ATF7IP: variants seen among roughly 807,000 people sequenced by gnomAD.
ATF7IP encodes activating transcription factor 7 interacting protein.
Under a neutral mutation model 106.4 loss-of-function variants are expected in ATF7IP, and 23 were observed. That is an observed-to-expected ratio of 0.22 (90% confidence interval 0.16 to 0.31). The LOEUF (loss-of-function observed/expected upper bound fraction) is 0.31. Ranked by LOEUF, ATF7IP falls within the 10% of genes least tolerant of loss-of-function variation. The pLI is 1.00. For missense variants in ATF7IP, 1,334 were observed against 1,524.3 expected (o/e 0.88, Z 2.08); for synonymous variants, 542 against 539.0 (o/e 1.01, Z -0.08).
intron 2 of ATF7IP, among the ~76,000 whole-genome samples, chr12:14,430,932 A>G (rs1336740913): frequency 6.6e-6 from 1 of 152,232 alleles, no homozygotes; most frequent in Non-Finnish European, 1.5e-5. Context: ...CATGTGGCCC[A>G]CAAGATTGAA....
At chr12:14,473,248 T>C (rs554590923) in intron 10 of ATF7IP, among the ~76,000 whole-genome samples, 70 of 151,738 alleles carry the variant, frequency 4.6e-4, no homozygotes, top group African/African-American at 1.6e-3. Flanking sequence ...GCATTCTGTC[T>C]TAATTCCTCT....
At chr12:14,487,375 T>C (rs1485775108) in intron 13 of ATF7IP, among the ~76,000 whole-genome samples, 2 of 152,126 alleles carry the variant, frequency 1.3e-5, no homozygotes, top group Admixed American at 6.5e-5. Context: ...ACCAGTACTT[T>C]AGTGTAGTTA....
rs548686855 is a variant in ATF7IP, at chr12:14,480,998, A to G, written c.3098-5A>G. 6.2e-7 allele frequency: 1 copy of G among 1,613,234 alleles called. No individual in the cohort carries two copies. The highest frequency in any genetic ancestry group is 8.5e-7 in the Non-Finnish European group (1 of 1,179,616). On this transcript the variant is annotated splice_region_variant and splice_polypyrimidine_tract_variant and intron_variant, in intron 12 of 14. Coordinates refer to ENST00000261168, the MANE Select transcript of ATF7IP (RefSeq NM_018179.5). ...TTCTTAATATCTTTTTCTGCCTTGC[A>G]TTAGCTCCAACTACCGTGAATGTAA...
intron 11 of ATF7IP, 43 bp downstream of exon 11, chr12:14,476,011 T>A: frequency 6.9e-7 from 1 of 1,439,038 alleles, no homozygotes; most frequent in Non-Finnish European, 9.8e-7. Flanking sequence ...TTGATACCAT[T>A]TTTTTTGTCT....
At chr12:14,453,600 G>A (rs923797936) in intron 6 of ATF7IP, among the ~76,000 whole-genome samples, 8 of 150,286 alleles carry the variant, frequency 5.3e-5, no homozygotes, top group African/African-American at 1.7e-4. Context: ...GTTTTCTGTC[G>A]TCTCTTTCAC....
intron 2 of ATF7IP, among the ~76,000 whole-genome samples, chr12:14,427,985 C>T (rs1478903895): frequency 6.6e-6 from 1 of 151,890 alleles, no homozygotes; most frequent in Non-Finnish European, 1.5e-5. Context: ...CGCTGGAATG[C>T]CAATAAAGAA....
intron 1 of ATF7IP, among the ~76,000 whole-genome samples, chr12:14,407,248 G>C (rs1940641032): frequency 6.6e-6 from 1 of 152,088 alleles, no homozygotes; most frequent in Non-Finnish European, 1.5e-5. Context: ...TTTCATATAA[G>C]AAATGCATAG....
At chr12:14,483,870 C>T (rs558391375) in intron 13 of ATF7IP, among the ~76,000 whole-genome samples, 1 of 152,234 alleles carries the variant, frequency 6.6e-6, no homozygotes, top group South Asian at 2.1e-4. Flanking sequence ...CCCACTGCTG[C>T]ACTCCTTTAG....
intron 1 of ATF7IP, among the ~76,000 whole-genome samples, chr12:14,373,177 A>G (rs1051503697): frequency 6.6e-5 from 10 of 152,212 alleles, no homozygotes; most frequent in Non-Finnish European, 1.0e-4. Flanking sequence ...CATGTAAGGG[A>G]AAAGAGAGAC....
intron 1 of ATF7IP, among the ~76,000 whole-genome samples, chr12:14,413,497 T>C (rs1941038222): frequency 1.3e-5 from 2 of 152,150 alleles, no homozygotes; most frequent in Admixed American, 1.3e-4. Flanking sequence ...ACTTAAATGA[T>C]GAAATGCATA....
intron 5 of ATF7IP, among the ~76,000 whole-genome samples, chr12:14,442,852 G>A (rs938479788): frequency 6.6e-6 from 1 of 152,106 alleles, no homozygotes; most frequent in African/African-American, 2.4e-5. Context: ...GAAATCTGTT[G>A]TATACAAAAA....
intron 1 of ATF7IP, among the ~76,000 whole-genome samples, chr12:14,419,804 G>C (rs556376271): frequency 6.6e-6 from 1 of 151,970 alleles, no homozygotes; most frequent in South Asian, 2.1e-4. Context: ...TATACATTTT[G>C]TATTAAGGTT....
chr12:14,491,345 A>G (rs1486071770), intron 13 of ATF7IP, among the ~76,000 whole-genome samples: 1 of 152,242 alleles, frequency 6.6e-6, no homozygotes, highest in Admixed American at 6.5e-5. Flanking sequence ...GGCCAAAGGC[A>G]GCAACTAGTC....
intron 12 of ATF7IP, among the ~76,000 whole-genome samples, chr12:14,479,617 T>C (rs1361140926): frequency 6.6e-6 from 1 of 152,178 alleles, no homozygotes; most frequent in Non-Finnish European, 1.5e-5. Flanking sequence ...AACCTTTGAG[T>C]TATGAAATTA....
chr12:14,442,380 T>C (rs1942753754), intron 5 of ATF7IP, among the ~76,000 whole-genome samples: 1 of 152,178 alleles, frequency 6.6e-6, no homozygotes, highest in African/African-American at 2.4e-5. Context: ...CTACCCACAT[T>C]TTGCTGCCTG....
rs894795407 is a variant in ATF7IP, at chr12:14,400,985, G to A, written c.-7-22924G>A. Among the ~76,000 whole-genome samples the A allele has an allele frequency of 3.9e-5, 6 of 152,000 alleles. No individual in the cohort carries two copies. The East Asian group carries it at 9.7e-4, about 25-fold the overall frequency. ...TGTTTGTCCTTTTCATTCACTAATA[G>A]ATTTTCTTTTTTATTCTGAATACTA... On this transcript the variant is annotated intron_variant, in intron 1 of 14. Coordinates refer to ENST00000261168, the MANE Select transcript of ATF7IP (RefSeq NM_018179.5).
chr12:14,496,390 T>G, intron 14 of ATF7IP, 47 bp downstream of exon 14: 4 of 1,241,924 alleles, frequency 3.2e-6, no homozygotes, highest in Non-Finnish European at 4.7e-6. Context: ...TGTAGAGGTA[T>G]AAAATATTAT....
At chr12:14,469,478 T>G (rs1421203540) in intron 10 of ATF7IP, among the ~76,000 whole-genome samples, 3 of 151,948 alleles carry the variant, frequency 2.0e-5, no homozygotes, top group Admixed American at 2.0e-4. Context: ...TAAATGAAGA[T>G]TTATCTGATA....
intron 1 of ATF7IP, among the ~76,000 whole-genome samples, chr12:14,384,204 C>T (rs939465614): frequency 6.6e-6 from 1 of 151,956 alleles, no homozygotes; most frequent in African/African-American, 2.4e-5. Context: ...TAGTAAATAC[C>T]TATATTTAGT....
Sources: allele counts gnomAD v4.1 joint callset (sites outside exome capture counted in the v4.1 genomes callset), GRCh38; gene constraint gnomAD v4.1.1; transcripts MANE v1.5; gene names NCBI Gene and HGNC (gene_info 2026-07-23, HGNC 2026-07-21).